Variants in DOCK4 observed in about 807,000 individuals in gnomAD.
The protein encoded by DOCK4 is dedicator of cytokinesis protein 4.
Under a neutral mutation model 268.1 loss-of-function variants are expected in DOCK4, and 97 were observed. The ratio of observed to expected loss-of-function variants is 0.36; its 90% confidence interval spans 0.31 to 0.43. The LOEUF (loss-of-function observed/expected upper bound fraction) is 0.43. Among genes scored for constraint, DOCK4 ranks in the 20% least tolerant of loss-of-function variants. The pLI is 1.00. For synonymous variants in DOCK4, 954 were observed against 887.2 expected (o/e 1.08, Z -1.34); for missense variants, 2,145 against 2,455.7 (o/e 0.87, Z 2.67).
At chr7:111,848,420 T>A (rs1295050013) in intron 23 of DOCK4, among the ~76,000 whole-genome samples, 1 of 152,222 alleles carries the variant, frequency 6.6e-6, no homozygotes, top group East Asian at 1.9e-4. Flanking sequence ...TTCTTAACTT[T>A]TGAACAACAG....
At chr7:111,734,996 G>T in intron 51 of DOCK4, 58 bp downstream of exon 51, 2 of 1,324,166 alleles carry the variant, frequency 1.5e-6, no homozygotes, top group East Asian at 2.5e-5. Context: ...GGACAAACTG[G>T]AGTAGTCAAT....
At chr7:111,971,963 G>T in intron 8 of DOCK4, 1 of 162,596 alleles carries the variant, frequency 6.2e-6, no homozygotes, top group South Asian at 1.6e-4. Flanking sequence ...AGACAGCAGG[G>T]GTGAGGGCCA....
chr7:111,996,837 C>A (rs1800003356), intron 4 of DOCK4, among the ~76,000 whole-genome samples: 1 of 152,206 alleles, frequency 6.6e-6, no homozygotes, highest in Admixed American at 6.5e-5. Context: ...AAAACCATAT[C>A]CTACCCCAAC....
intron 49 of DOCK4, among the ~76,000 whole-genome samples, chr7:111,737,278 C>T (rs1384430035): frequency 6.6e-6 from 1 of 152,028 alleles, no homozygotes; most frequent in African/African-American, 2.4e-5. Context: ...AGCAGTTGTG[C>T]TATGAAGTTC....
At chr7:111,736,305 C>G (rs770793788) in intron 50 of DOCK4, among the ~76,000 whole-genome samples, 3 of 152,094 alleles carry the variant, frequency 2.0e-5, no homozygotes, top group African/African-American at 7.2e-5. Context: ...CTGCAAGCCC[C>G]GACCCCGTAG....
chr7:112,025,553 G>C (rs564283517), intron 1 of DOCK4, among the ~76,000 whole-genome samples: 13 of 152,158 alleles, frequency 8.5e-5, no homozygotes, highest in African/African-American at 2.4e-4. Context: ...CTGCCTCTCA[G>C]CCCCTCTGAT....
chr7:111,912,904 C>G (rs1181648154), intron 13 of DOCK4, among the ~76,000 whole-genome samples: 2 of 151,700 alleles, frequency 1.3e-5, no homozygotes, highest in African/African-American at 2.4e-5. Context: ...AGGCTATTCT[C>G]TCACAAAATT....
chr7:111,766,099 T>C (rs1797743104), intron 38 of DOCK4, among the ~76,000 whole-genome samples: 1 of 152,218 alleles, frequency 6.6e-6, no homozygotes, highest in Non-Finnish European at 1.5e-5. Flanking sequence ...CATATAAAAC[T>C]GCAGTGCCTG....
At position 112,177,193 on chromosome 7, in the gene DOCK4, T is replaced by TA. The variant is rs1387511924; in HGVS notation, c.37+28908dup. Among the ~76,000 whole-genome samples the TA allele has an allele frequency of 2.0e-5, 3 of 152,306 alleles. No individual in the cohort carries two copies. The East Asian group carries it at 5.8e-4, about 29-fold the overall frequency. ...CAGCAGCCTAGGCTGAGGTATTTGT[T>TA]AAGAGTTAAATTGCAGGAATCAGAC... is the stretch of plus-strand genomic sequence containing the variant. On this transcript the variant is annotated intron_variant, in intron 1 of 52. Transcript: ENST00000428084.
chr7:111,956,395 AT>A (rs1222583327), intron 8 of DOCK4, among the ~76,000 whole-genome samples: 1 of 152,190 alleles, frequency 6.6e-6, no homozygotes, highest in East Asian at 1.9e-4. Flanking sequence ...TAAATCGTTC[AT>A]GCATTTACTA....
chr7:111,977,019 T>G, intron 8 of DOCK4, 113 bp downstream of exon 8: 1 of 1,269,166 alleles, frequency 7.9e-7, no homozygotes, highest in East Asian at 2.6e-5. Flanking sequence ...GGTGAGAAAA[T>G]TGAAGCTGAC....
At chr7:112,050,313 G>A (rs895723752) in intron 1 of DOCK4, among the ~76,000 whole-genome samples, 8 of 152,094 alleles carry the variant, frequency 5.3e-5, no homozygotes, top group Non-Finnish European at 1.0e-4. Context: ...CTGGACTATG[G>A]AGGAGGCTCT....
chr7:111,865,262 C>A (rs931731961), intron 22 of DOCK4, among the ~76,000 whole-genome samples: 3 of 152,150 alleles, frequency 2.0e-5, no homozygotes, highest in Admixed American at 6.5e-5. Flanking sequence ...TTAGTCCTTC[C>A]AGGACAGGGC....
chr7:111,884,078 G>T (rs913765359), intron 16 of DOCK4, among the ~76,000 whole-genome samples: 3 of 151,960 alleles, frequency 2.0e-5, no homozygotes, highest in African/African-American at 7.3e-5. Flanking sequence ...TTATCCAGTA[G>T]GATTACACTA....
At chr7:111,761,945 C>CAAG (rs1744121620) in intron 39 of DOCK4, among the ~76,000 whole-genome samples, 1 of 151,956 alleles carries the variant, frequency 6.6e-6, no homozygotes, top group South Asian at 2.1e-4. Flanking sequence ...TAAAATAAAA[C>CAAG]ACAATACATC....
At chr7:111,863,599 G>A in intron 22 of DOCK4, 35 bp from the exon 23 acceptor site, 1 of 1,539,054 alleles carries the variant, frequency 6.5e-7, no homozygotes, top group Non-Finnish European at 8.8e-7. Flanking sequence ...TCAACTCCCA[G>A]ATACGCCATG....
chr7:112,153,459 C>T (rs1477992433), intron 1 of DOCK4, among the ~76,000 whole-genome samples: 2 of 152,236 alleles, frequency 1.3e-5, no homozygotes, highest in South Asian at 2.1e-4. Flanking sequence ...GGAGGAGGCT[C>T]ATACTCTGAG....
At chr7:111,840,875 G>A (rs1368882851) in intron 25 of DOCK4, 1 of 1,341,530 alleles carries the variant, frequency 7.5e-7, no homozygotes, top group Admixed American at 1.9e-5. Flanking sequence ...TGTTCTCTGT[G>A]AGAAAATGAT....
rs367738602 is a variant in DOCK4 at position 111,728,083 on chromosome 7, C to A, written c.*191G>T. On this transcript the variant is annotated 3_prime_UTR_variant, in exon 53 of 53. Coordinates refer to ENST00000428084, the MANE Select transcript of DOCK4 (RefSeq NM_001363540.2). ...GTTTTAATGAAATTCAGCCATACTT[C>A]ATTTAACATCTGGCGTTTTAGATCA... The A allele has an allele frequency of 1.2e-4, 53 of 430,762 alleles. No individual in the cohort carries two copies. Among genetic ancestry groups the A allele is most frequent in the Admixed American group, 6.3e-4 (15 of 23,754 alleles). The allele number at this position is 430,762 out of a possible 1,614,324, so 26.7% of individuals were successfully genotyped here.
Sources: gnomAD v4.1 joint callset for allele counts (sites outside exome capture counted in the v4.1 genomes callset) on GRCh38, gnomAD v4.1.1 for gene constraint, MANE v1.5 for transcripts, NCBI Gene and HGNC (gene_info 2026-07-23, HGNC 2026-07-21) for gene names.